Variants in CSMD1 observed in about 807,000 individuals in gnomAD.
CSMD1 encodes CUB and sushi domain-containing protein 1.
A neutral mutation model predicts 417.5 loss-of-function variants in CSMD1; 213 were observed. The observed-to-expected ratio is 0.51, with a 90% confidence interval of 0.46 to 0.57. The LOEUF (loss-of-function observed/expected upper bound fraction) is 0.57, where lower values mean the gene tolerates loss of function less well. Among genes scored for constraint, CSMD1 ranks in the 20% least tolerant of loss-of-function variants. The pLI is 0.00. For missense variants in CSMD1, 6,923 were observed against 4,529.7 expected (o/e 1.53, Z -15.17); for synonymous variants, 2,862 against 1,736.8 (o/e 1.65, Z -16.11).
intron 1 of CSMD1, among the ~76,000 whole-genome samples, chr8:4,871,178 A>G (rs747473566): frequency 6.6e-6 from 1 of 152,164 alleles, no homozygotes; most frequent in Non-Finnish European, 1.5e-5. Context: ...GGGATTCATC[A>G]TGTATGAGTA....
At chr8:4,047,778 G>C (rs565392516) in intron 3 of CSMD1, among the ~76,000 whole-genome samples, 2 of 152,092 alleles carry the variant, frequency 1.3e-5, no homozygotes, top group South Asian at 2.1e-4. Flanking sequence ...GGAATAGGTA[G>C]AGAATGCAAT....
chr8:4,179,191 C>A (rs1177429003), intron 3 of CSMD1, among the ~76,000 whole-genome samples: 2 of 152,092 alleles, frequency 1.3e-5, no homozygotes, highest in Non-Finnish European at 1.5e-5. Context: ...TACAAGGCTA[C>A]AGAAACCAAA....
chr8:3,850,000 T>C (rs1457671568), intron 5 of CSMD1, among the ~76,000 whole-genome samples: 2 of 131,468 alleles, frequency 1.5e-5, no homozygotes, highest in Non-Finnish European at 3.1e-5. Flanking sequence ...ATTTTTAGTT[T>C]CACGATGTTG....
intron 5 of CSMD1, among the ~76,000 whole-genome samples, chr8:3,836,302 A>G (rs890260568): frequency 2.0e-5 from 3 of 152,292 alleles, no homozygotes; most frequent in African/African-American, 7.2e-5. Context: ...GTAACAAGTC[A>G]AAGCAGTTTG....
In CSMD1 at chr8:3,359,288, T is replaced by G; in HGVS notation, c.3168A>C (p.Arg1056Ser). 6.2e-7 allele frequency: 1 copy of G among 1,613,782 alleles called. No individual in the cohort carries two copies. Among genetic ancestry groups the G allele is most frequent in the East Asian group, 2.2e-5 (1 of 44,858 alleles). Residue 1056 changes from arginine to serine, a missense_variant, in exon 21 of 70, where the codon AGA becomes AGC. Physicochemically the swap from Arg to Ser is moderately radical, Grantham distance 110. Transcript: ENST00000635120. Reference sequence around the variant, plus strand: ...CTCCCACACCAAAGTGAAAACCAATTCTTCGGCTGAAGGCAGGGACTCCAG... The same window carrying G: ...CTCCCACACCAAAGTGAAAACCAATGCTTCGGCTGAAGGCAGGGACTCCAG... ...DDPGVPAFSR[R>S]IGFHFGVGDS... is the part of the protein sequence containing the mutation.
chr8:4,400,688 G>GCCTTTTT (rs1015261444), intron 3 of CSMD1, among the ~76,000 whole-genome samples: 41 of 150,384 alleles, frequency 2.7e-4, no homozygotes, highest in Admixed American at 1.3e-4. Context: ...AGGCTAATTT[G>GCCTTTTT]CCTTTTTTTT....
chr8:3,358,593 T>C (rs1307588106), intron 21 of CSMD1, among the ~76,000 whole-genome samples: 1 of 152,204 alleles, frequency 6.6e-6, no homozygotes, highest in African/African-American at 2.4e-5. Context: ...TAAAAATTCC[T>C]GTTACTCTTC....
chr8:3,606,223 C>T (rs960086896), intron 8 of CSMD1, among the ~76,000 whole-genome samples: 1 of 152,052 alleles, frequency 6.6e-6, no homozygotes, highest in African/African-American at 2.4e-5. Context: ...CTTTTAAGGC[C>T]AGGATGCAGT....
At chr8:4,157,247 C>A (rs76320583) in intron 3 of CSMD1, among the ~76,000 whole-genome samples, 1,830 of 152,160 alleles carry the variant, frequency 0.012, 39 homozygotes, top group African/African-American at 0.041. Context: ...ACAACAGGGC[C>A]CGTTTGTCTA....
intron 5 of CSMD1, among the ~76,000 whole-genome samples, chr8:3,871,205 T>G (rs1041365646): frequency 6.6e-6 from 1 of 152,104 alleles, no homozygotes; most frequent in Non-Finnish European, 1.5e-5. Flanking sequence ...TTCTACAATG[T>G]GTACCAAGGA....
rs117264731 is a variant in CSMD1, at chr8:3,586,264, A to C, written c.1098-4T>G. On this transcript the variant is annotated splice_polypyrimidine_tract_variant and splice_region_variant and intron_variant, in intron 8 of 69. Coordinates refer to ENST00000635120, the MANE Select transcript of CSMD1 (RefSeq NM_033225.6). ...AAACTGTACATTTGCACCAACCCTA[A>C]GCCGTTAAAAAAGAAAAAAAAAAAC... The C allele has an allele frequency of 9.7e-5, 149 of 1,539,726 alleles. No homozygotes were observed. Among genetic ancestry groups the C allele is most frequent in the Non-Finnish European group, 1.2e-4 (139 of 1,152,658 alleles).
chr8:4,053,529 G>A (rs1215172946), intron 3 of CSMD1, among the ~76,000 whole-genome samples: 1 of 151,984 alleles, frequency 6.6e-6, no homozygotes, highest in Non-Finnish European at 1.5e-5. Flanking sequence ...AAACACTTTT[G>A]TTATCTCAAG....
intron 5 of CSMD1, among the ~76,000 whole-genome samples, chr8:3,918,482 T>C (rs373819346): frequency 1.4e-4 from 21 of 152,328 alleles, no homozygotes; most frequent in Middle Eastern, 6.8e-3. Flanking sequence ...GTTGGACGTT[T>C]GTATGTCTTT....
At chr8:4,247,625 G>A (rs1714746) in intron 3 of CSMD1, among the ~76,000 whole-genome samples, 82,456 of 151,886 alleles carry the variant, frequency 0.54, 23,330 homozygotes, top group Middle Eastern at 0.69. Context: ...GAAGAGCAGA[G>A]GTAGATTTCA....
At chr8:3,995,359 A>T (rs1305119384) in intron 5 of CSMD1, among the ~76,000 whole-genome samples, 1 of 150,558 alleles carries the variant, frequency 6.6e-6, no homozygotes, top group Non-Finnish European at 1.5e-5. Flanking sequence ...TATGATAAAC[A>T]TTAAATGTTA....
intron 36 of CSMD1, among the ~76,000 whole-genome samples, chr8:3,182,459 C>T (rs1050960617): frequency 1.3e-5 from 2 of 152,106 alleles, no homozygotes; most frequent in Non-Finnish European, 2.9e-5. Flanking sequence ...AAGTGATCTG[C>T]TTGCCTCGGC....
At chr8:3,256,177 A>C (rs1800636710) in intron 26 of CSMD1, among the ~76,000 whole-genome samples, 1 of 151,930 alleles carries the variant, frequency 6.6e-6, no homozygotes, top group African/African-American at 2.4e-5. Context: ...AAAATATAAA[A>C]ATTAGCTGGG....
At chr8:4,636,719 T>G (rs1298886020) in intron 2 of CSMD1, among the ~76,000 whole-genome samples, 1 of 152,246 alleles carries the variant, frequency 6.6e-6, no homozygotes, top group African/African-American at 2.4e-5. Flanking sequence ...AATTTTTAAG[T>G]ATAGAAAAAG....
chr8:4,202,975 C>G (rs1414911971), intron 3 of CSMD1, among the ~76,000 whole-genome samples: 7 of 152,112 alleles, frequency 4.6e-5, no homozygotes, highest in African/African-American at 1.4e-4. Context: ...ACGATTACCT[C>G]CACCAAAGAT....
Sources: gnomAD v4.1 joint callset for allele counts (sites outside exome capture counted in the v4.1 genomes callset) on GRCh38, gnomAD v4.1.1 for gene constraint, MANE v1.5 for transcripts, NCBI Gene and HGNC (gene_info 2026-07-23, HGNC 2026-07-21) for gene names.